SCFD2: variants seen among roughly 807,000 people sequenced by gnomAD.
SCFD2 encodes the protein sec1 family domain containing 2.
SCFD2 carries 54 observed loss-of-function variants against 58.9 expected under a neutral mutation model. The observed-to-expected ratio is 0.92, with a 90% CI of 0.74 to 1.15. The LOEUF is 1.15. Among genes scored for constraint, SCFD2 ranks in the 50% most tolerant of loss-of-function variants. The pLI is 0.00. For missense variants in SCFD2, 805 were observed against 836.6 expected (o/e 0.96, Z 0.47); for synonymous variants, 321 against 335.9 (o/e 0.96, Z 0.49).
rs188497393 is a variant in SCFD2, at chr4:53,319,681, G to A, written c.1008-5918C>T. ...TGGATAGCTGGGATTACAGGCATGC[G>A]CCATCTCGTCTGGTTAATTTTTGTA... On this transcript the variant is annotated intron_variant, in intron 2 of 8. Coordinates refer to ENST00000401642, the MANE Select transcript of SCFD2 (RefSeq NM_152540.4). Among the ~76,000 whole-genome samples, 14 of 152,066 alleles carry A rather than the reference G, an allele frequency of 9.2e-5. No individual in the cohort carries two copies. The East Asian group carries it at 1.4e-3, about 15-fold the overall frequency.
At position 52,889,139 on chromosome 4, in the gene SCFD2, C is replaced by T. The variant is rs568668585; in HGVS notation, c.1843-3273G>A. ...ATCAACATCTCCTTGATTACTTCCA[C>T]ATTAGATCGCTGCTATAGCCTTCAA... On this transcript the variant is annotated intron_variant, in intron 7 of 8. Transcript: ENST00000401642. 9.8e-5 allele frequency among the ~76,000 whole-genome samples: 15 copies of T among 152,348 alleles called. No individual in the cohort carries two copies. In the East Asian group the frequency reaches 2.9e-3, roughly 29 times the overall value.
At chr4:53,223,996 T>C (rs1206814261) in intron 4 of SCFD2, among the ~76,000 whole-genome samples, 2 of 152,032 alleles carry the variant, frequency 1.3e-5, no homozygotes, top group Non-Finnish European at 2.9e-5. Flanking sequence ...CCTTGGGAGG[T>C]GCAGTCTAAT....
At chr4:53,225,125 T>C (rs1729164817) in intron 4 of SCFD2, among the ~76,000 whole-genome samples, 1 of 152,178 alleles carries the variant, frequency 6.6e-6, no homozygotes, top group Non-Finnish European at 1.5e-5. Context: ...CCATATTTGA[T>C]TATATTCTTA....
chr4:52,931,400 C>T (rs1009716757), intron 5 of SCFD2, among the ~76,000 whole-genome samples: 3 of 152,144 alleles, frequency 2.0e-5, no homozygotes, highest in African/African-American at 2.4e-5. Context: ...CAACTGCTTT[C>T]GTCTTCTGAA....
chr4:52,992,929 C>T (rs907242183), intron 5 of SCFD2, among the ~76,000 whole-genome samples: 4 of 152,134 alleles, frequency 2.6e-5, no homozygotes, highest in East Asian at 1.9e-4. Context: ...GCCATGATGA[C>T]GATGGCGGTT....
chr4:53,083,009 C>G (rs1002980446), intron 5 of SCFD2, among the ~76,000 whole-genome samples: 1 of 151,734 alleles, frequency 6.6e-6, no homozygotes, highest in Non-Finnish European at 1.5e-5. Flanking sequence ...TAATATATAT[C>G]CTATTGGTTC....
intron 4 of SCFD2, among the ~76,000 whole-genome samples, chr4:53,146,431 T>G (rs1204151904): frequency 6.6e-6 from 1 of 152,144 alleles, no homozygotes; most frequent in Non-Finnish European, 1.5e-5. Flanking sequence ...ACTCTACACT[T>G]TGTATTTATA....
At chr4:52,976,972 A>G (rs1721272059) in intron 5 of SCFD2, among the ~76,000 whole-genome samples, 1 of 152,112 alleles carries the variant, frequency 6.6e-6, no homozygotes, top group Admixed American at 6.5e-5. Flanking sequence ...TTACTTTGTA[A>G]GGCTGTTGGA....
intron 8 of SCFD2, among the ~76,000 whole-genome samples, chr4:52,879,699 A>C (rs990933417): frequency 5.3e-5 from 8 of 152,198 alleles, no homozygotes; most frequent in African/African-American, 1.9e-4. Flanking sequence ...CTTAGGAGTG[A>C]CCCAGCCCTC....
intron 5 of SCFD2, among the ~76,000 whole-genome samples, chr4:52,965,240 C>T (rs574429004): frequency 4.6e-5 from 7 of 152,052 alleles, no homozygotes; most frequent in Non-Finnish European, 1.0e-4. Context: ...TATAAAAGCC[C>T]CCCCGCAAAA....
chr4:53,286,430 A>G (rs1731671193), intron 3 of SCFD2, among the ~76,000 whole-genome samples: 1 of 152,006 alleles, frequency 6.6e-6, no homozygotes, highest in Non-Finnish European at 1.5e-5. Context: ...CTTCAGAGAA[A>G]CCACAGGGCC....
intron 4 of SCFD2, among the ~76,000 whole-genome samples, chr4:53,175,258 A>T (rs1727294413): frequency 6.6e-6 from 1 of 152,198 alleles, no homozygotes; most frequent in African/African-American, 2.4e-5. Flanking sequence ...ATGTAATGTG[A>T]TATCTTTTAG....
intron 4 of SCFD2, among the ~76,000 whole-genome samples, chr4:53,239,336 C>A (rs138467774): frequency 6.7e-6 from 1 of 149,242 alleles, no homozygotes; most frequent in African/African-American, 2.5e-5. Flanking sequence ...AGAGGGAGAC[C>A]GTGGAAAGAG....
intron 2 of SCFD2, among the ~76,000 whole-genome samples, chr4:53,316,162 T>C (rs535834104): frequency 6.6e-5 from 10 of 152,356 alleles, no homozygotes; most frequent in African/African-American, 2.4e-4. Context: ...GTCTACTTAC[T>C]GGGCTTTACT....
At chr4:53,255,415 T>C (rs1438573191) in intron 4 of SCFD2, among the ~76,000 whole-genome samples, 2 of 152,050 alleles carry the variant, frequency 1.3e-5, no homozygotes, top group Non-Finnish European at 2.9e-5. Flanking sequence ...GTGATGACTC[T>C]TAAGGAGCAT....
intron 4 of SCFD2, among the ~76,000 whole-genome samples, chr4:53,257,506 A>C (rs1364209407): frequency 6.6e-6 from 1 of 152,172 alleles, no homozygotes; most frequent in Admixed American, 6.5e-5. Context: ...CATCCCTCTC[A>C]CTAAAAGAGA....
rs116667559 is a variant in SCFD2, at chr4:52,890,022, C to G, written c.1843-4156G>C. ...CATATGAAGGAATGAATCATATCCA[C>G]AGGTTAACAGGAAAGGCCCTTCTTT... is the stretch of plus-strand genomic sequence containing the variant. On this transcript the variant is annotated intron_variant, in intron 7 of 8. Transcript: ENST00000401642. Among the ~76,000 whole-genome samples the G allele has an allele frequency of 5.3e-3, 808 of 152,350 alleles. 4 individuals are homozygous for G. The highest frequency in any genetic ancestry group is 9.1e-3 in the Non-Finnish European group (616 of 68,040).
At chr4:53,272,576 T>A (rs969552499) in intron 4 of SCFD2, among the ~76,000 whole-genome samples, 1 of 151,988 alleles carries the variant, frequency 6.6e-6, no homozygotes, top group African/African-American at 2.4e-5. Context: ...CTGGAAACCA[T>A]CATTCTCAGC....
At position 53,040,704 on chromosome 4, in the gene SCFD2, T is replaced by A. The variant is rs144940963; in HGVS notation, c.1561+104629A>T. On this transcript the variant is annotated intron_variant, in intron 5 of 8. Coordinates refer to ENST00000401642, the MANE Select transcript of SCFD2 (RefSeq NM_152540.4). The stretch of plus-strand genomic sequence containing the variant: ...CTCCAACCACATTAAGTTCTTCCAA[T>A]GCATGCTTCTTACTCATTGCCTTTT... Among the ~76,000 whole-genome samples the A allele has an allele frequency of 4.2e-3, 633 of 152,340 alleles. 2 individuals are homozygous for A. The highest frequency in any genetic ancestry group is 0.014 in the African/African-American group (597 of 41,596).
Sources: gnomAD v4.1 joint callset for allele counts (sites outside exome capture counted in the v4.1 genomes callset) on GRCh38, gnomAD v4.1.1 for gene constraint, MANE v1.5 for transcripts, NCBI Gene and HGNC (gene_info 2026-07-23, HGNC 2026-07-21) for gene names.